IPCEF1: variants seen among roughly 807,000 people sequenced by gnomAD.
The protein encoded by IPCEF1 is interaction protein for cytohesin exchange factors 1.
A neutral mutation model predicts 50.9 loss-of-function variants in IPCEF1; 31 were observed. That is an observed-to-expected ratio of 0.61 (90% CI 0.46 to 0.82). The LOEUF is 0.82. IPCEF1 is among the 40% of genes least tolerant of loss of function. The pLI, the probability that IPCEF1 is intolerant of heterozygous loss-of-function variation, is 0.00. For missense variants in IPCEF1, 458 were observed against 514.0 expected, an observed-to-expected ratio of 0.89 and a Z score of 1.05; for synonymous variants, 181 against 192.0, an observed-to-expected ratio of 0.94 and a Z score of 0.47.
intron 5 of IPCEF1, among the ~76,000 whole-genome samples, chr6:154,230,271 C>T (rs1174475536): frequency 6.6e-6 from 1 of 152,102 alleles, no homozygotes; most frequent in Non-Finnish European, 1.5e-5. Context: ...TAACAAATCT[C>T]CCATGCAGAT....
At chr6:154,315,832 T>TTG (rs1783202727) in intron 1 of IPCEF1, among the ~76,000 whole-genome samples, 1 of 147,354 alleles carries the variant, frequency 6.8e-6, no homozygotes, top group Non-Finnish European at 1.5e-5. Context: ...CAATTTTTTT[T>TTG]GGGGGGGAGC....
At chr6:154,354,898 G>A (rs1288077324) in intron 1 of IPCEF1, among the ~76,000 whole-genome samples, 2 of 152,004 alleles carry the variant, frequency 1.3e-5, no homozygotes, top group African/African-American at 4.8e-5. Flanking sequence ...AATATTTACT[G>A]AGAGCAGGCA....
intron 5 of IPCEF1, among the ~76,000 whole-genome samples, chr6:154,234,375 C>G (rs1779953448): frequency 6.6e-6 from 1 of 152,200 alleles, no homozygotes; most frequent in South Asian, 2.1e-4. Context: ...TCTACCCTCT[C>G]TCACTTCCCT....
intron 10 of IPCEF1, among the ~76,000 whole-genome samples, chr6:154,176,764 C>T (rs1335307605): frequency 6.6e-6 from 1 of 152,072 alleles, no homozygotes; most frequent in Non-Finnish European, 1.5e-5. Flanking sequence ...TCAATGCTAT[C>T]CCCATCAAGC....
At chr6:154,249,530 A>G (rs752433021) in intron 3 of IPCEF1, among the ~76,000 whole-genome samples, 1 of 152,154 alleles carries the variant, frequency 6.6e-6, no homozygotes, top group Non-Finnish European at 1.5e-5. Context: ...GTTAACAGTC[A>G]TTCCTAGAGT....
intron 1 of IPCEF1, among the ~76,000 whole-genome samples, chr6:154,310,150 G>A (rs1228600471): frequency 6.6e-6 from 1 of 152,146 alleles, no homozygotes; most frequent in African/African-American, 2.4e-5. Flanking sequence ...CACACAGTCA[G>A]CTCTCCAAGA....
chr6:154,308,627 T>G (rs1442093723), intron 1 of IPCEF1, among the ~76,000 whole-genome samples: 5 of 152,202 alleles, frequency 3.3e-5, no homozygotes, highest in African/African-American at 1.2e-4. Flanking sequence ...GCTGTTTAAT[T>G]GAAATCAATG....
rs755357242 is a variant in IPCEF1, at chr6:154,167,888, T to C, written c.1104+32A>G. The C allele has an allele frequency of 4.6e-6, 7 of 1,513,324 alleles. No individual in the cohort carries two copies. In the Admixed American group the frequency reaches 6.9e-5, roughly 15 times the overall value. The allele number at this position is 1,513,324 out of a possible 1,614,324, so 93.7% of individuals were successfully genotyped here. A position where few individuals can be genotyped will look rare whatever the true frequency, so the allele number is the denominator to read the frequency against. On this transcript the variant is annotated intron_variant, in intron 11 of 11. Coordinates refer to ENST00000367220, the MANE Select transcript of IPCEF1 (RefSeq NM_001130700.2). ...CCAGCCGTTCCTTGCCCCACATCCA[T>C]AGAGTTCATCCACAATTTGAAATTT...
intron 1 of IPCEF1, among the ~76,000 whole-genome samples, chr6:154,290,995 G>C (rs1782501220): frequency 6.7e-6 from 1 of 150,322 alleles, no homozygotes; most frequent in Non-Finnish European, 1.5e-5. Flanking sequence ...CCAGGTTCAA[G>C]TGATTCTCCT....
intron 2 of IPCEF1, 120 bp from the exon 3 acceptor site, chr6:154,266,084 T>A (rs150451985): frequency 1.6e-6 from 1 of 638,698 alleles, no homozygotes; most frequent in Admixed American, 3.2e-5. Context: ...ACAATAAAAG[T>A]AATTCATTAA....
At chr6:154,185,951 C>T (rs1801302279) in intron 10 of IPCEF1, among the ~76,000 whole-genome samples, 1 of 152,216 alleles carries the variant, frequency 6.6e-6, no homozygotes, top group Non-Finnish European at 1.5e-5. Flanking sequence ...CCCAGAATAA[C>T]GACCCTTTTG....
At chr6:154,292,392 G>T (rs144467146) in intron 1 of IPCEF1, among the ~76,000 whole-genome samples, 15 of 152,272 alleles carry the variant, frequency 9.9e-5, no homozygotes, top group African/African-American at 3.1e-4. Flanking sequence ...GTCACAGTTT[G>T]CAATTTACAA....
At chr6:154,288,435 G>A (rs1419837472) in intron 2 of IPCEF1, among the ~76,000 whole-genome samples, 4 of 151,224 alleles carry the variant, frequency 2.6e-5, no homozygotes, top group Admixed American at 1.3e-4. Flanking sequence ...AGGCCGAGGC[G>A]GGCAGATCAC....
At chr6:154,268,151 G>A (rs575006739) in intron 2 of IPCEF1, among the ~76,000 whole-genome samples, 27 of 152,324 alleles carry the variant, frequency 1.8e-4, no homozygotes, top group African/African-American at 6.5e-4. Flanking sequence ...GGGCTTGTGG[G>A]GACTTTGCTC....
At chr6:154,165,644 G>A (rs1289217444) in intron 11 of IPCEF1, among the ~76,000 whole-genome samples, 1 of 152,246 alleles carries the variant, frequency 6.6e-6, no homozygotes, top group Non-Finnish European at 1.5e-5. Flanking sequence ...GCAGCCCTGA[G>A]CGGGCCCCCA....
At chr6:154,302,397 T>C (rs1246856367) in intron 1 of IPCEF1, among the ~76,000 whole-genome samples, 1 of 152,184 alleles carries the variant, frequency 6.6e-6, no homozygotes, top group Non-Finnish European at 1.5e-5. Context: ...TGGACACATA[T>C]GGAAATCCTG....
chr6:154,227,957 T>C (rs575915823), intron 5 of IPCEF1, among the ~76,000 whole-genome samples: 9 of 146,506 alleles, frequency 6.1e-5, no homozygotes, highest in Admixed American at 1.4e-4. Flanking sequence ...ATAATTTGTG[T>C]CAAAAAATGG....
At chr6:154,250,392 G>A (rs1781308416) in intron 3 of IPCEF1, among the ~76,000 whole-genome samples, 1 of 152,164 alleles carries the variant, frequency 6.6e-6, no homozygotes, top group Non-Finnish European at 1.5e-5. Context: ...CAGTTTGAAT[G>A]TTATAGGTAA....
intron 1 of IPCEF1, among the ~76,000 whole-genome samples, chr6:154,333,581 C>T (rs1374298812): frequency 4.0e-5 from 6 of 150,640 alleles, no homozygotes; most frequent in African/African-American, 1.5e-4. Flanking sequence ...CACACACACA[C>T]ATATATATAC....
Sources: allele counts gnomAD v4.1 joint callset (sites outside exome capture counted in the v4.1 genomes callset), GRCh38; gene constraint gnomAD v4.1.1; transcripts MANE v1.5; gene names NCBI Gene and HGNC (gene_info 2026-07-23, HGNC 2026-07-21).